Variants in WDSUB1 observed in about 807,000 individuals in gnomAD.
WDSUB1 encodes WD repeat, SAM and U-box domain-containing protein 1.
A neutral mutation model predicts 53.9 loss-of-function variants in WDSUB1; 49 were observed. That is an observed-to-expected ratio of 0.91 (90% CI 0.72 to 1.15). The LOEUF (loss-of-function observed/expected upper bound fraction) is 1.15. WDSUB1 is among the 50% of genes most tolerant of loss of function. WDSUB1 has a pLI of 0.00. For missense variants in WDSUB1, 514 were observed against 562.0 expected, an observed-to-expected ratio of 0.91 and a Z score of 0.86; for synonymous variants, 194 against 200.6, an observed-to-expected ratio of 0.97 and a Z score of 0.28.
intron 5 of WDSUB1, among the ~76,000 whole-genome samples, chr2:159,264,102 C>T (rs147743449): frequency 3.8e-4 from 58 of 152,262 alleles, no homozygotes; most frequent in African/African-American, 1.1e-3. Context: ...ATTATGCTTG[C>T]TAAAATATCT....
chr2:159,269,759 G>A (rs1032235125), intron 5 of WDSUB1, among the ~76,000 whole-genome samples: 6 of 152,072 alleles, frequency 3.9e-5, no homozygotes, highest in Middle Eastern at 3.4e-3. Flanking sequence ...GAGTAACAGA[G>A]AAAAATTGTA....
At position 159,259,818 on chromosome 2, in the gene WDSUB1, A is replaced by G; in HGVS notation, c.796T>C (p.Tyr266His). 6.6e-7 allele frequency: 1 copy of G among 1,526,484 alleles called. No individual in the cohort carries two copies. Among genetic ancestry groups the G allele is most frequent in the South Asian group, 1.2e-5 (1 of 84,274 alleles). The allele number at this position is 1,526,484 out of a possible 1,614,324, so 94.6% of individuals were successfully genotyped here. A position where few individuals can be genotyped will look rare whatever the true frequency, so the allele number is the denominator to read the frequency against. The change falls in exon 6 of 11, where the codon TAT (tyrosine) becomes CAT (histidine). Residue 266 changes from tyrosine (Y) to histidine (H), a missense_variant. Tyr to His is a moderately conservative substitution (Grantham distance 83). Transcript: ENST00000359774. ...GATTTTTAAATACTTACAGTATCAT[A>G]TACTATGACAGACTTATCCACTGAC... ...SGSVDKSVIV[Y>H]DTNTENILHT... is the part of the protein sequence containing the mutation.
Position 159,242,976 on chromosome 2 carries a change from T to C in WDSUB1, c.1273+5396A>G, listed in dbSNP as rs1296477910. 1.4e-5 allele frequency among the ~76,000 whole-genome samples: 2 copies of C among 147,960 alleles called. 1 individual carries two copies. Among genetic ancestry groups the C allele is most frequent in the African/African-American group, 5.3e-5 (2 of 38,074 alleles). On this transcript the variant is annotated intron_variant, in intron 10 of 10. Transcript: ENST00000359774. ...TGTATTCTGAATATTCAGAAAAATGTAGGTGGGAAAAGGAAAGTAGAAGAG... is the reference window on the plus strand; with the variant it reads ...TGTATTCTGAATATTCAGAAAAATGCAGGTGGGAAAAGGAAAGTAGAAGAG...
rs77021196 is a variant in WDSUB1, at chr2:159,265,262, T to A, written c.771-5419A>T. 1.2e-3 allele frequency among the ~76,000 whole-genome samples: 170 copies of A among 145,624 alleles called. 2 individuals carry two copies. In the East Asian group the frequency reaches 0.034, roughly 29 times the overall value. On this transcript the variant is annotated intron_variant, in intron 5 of 10. Transcript: ENST00000359774. ...AGCCACTCCAGCCTGGGTAATGGAG[T>A]GAGGCCTTATCTCTAAAGCAAGCAC...
At chr2:159,248,250 A>G (rs2060864448) in intron 10 of WDSUB1, 122 bp downstream of exon 10, 1 of 1,148,942 alleles carries the variant, frequency 8.7e-7, no homozygotes, top group Non-Finnish European at 1.2e-6. Context: ...CCAAGGTTTA[A>G]TTAGTTTAAG....
chr2:159,241,806 G>T (rs545911466), intron 10 of WDSUB1, among the ~76,000 whole-genome samples: 1 of 140,664 alleles, frequency 7.1e-6, no homozygotes, highest in Admixed American at 7.1e-5. Context: ...TCTGCCTTCC[G>T]GGTTCAAGCA....
At chr2:159,272,648 C>T (rs114545886) in intron 4 of WDSUB1, among the ~76,000 whole-genome samples, 145 of 152,188 alleles carry the variant, frequency 9.5e-4, no homozygotes, top group African/African-American at 2.4e-3. Flanking sequence ...AAACAAAATA[C>T]GCCAATTGCC....
At chr2:159,247,930 T>TATATATATAA (rs2060852298) in intron 10 of WDSUB1, among the ~76,000 whole-genome samples, 1 of 63,290 alleles carries the variant, frequency 1.6e-5, no homozygotes. Context: ...TATATATAAA[T>TATATATATAA]ATATATATAT....
intron 4 of WDSUB1, 65 bp from the exon 5 acceptor site, chr2:159,271,860 C>A: frequency 7.9e-7 from 1 of 1,258,584 alleles, no homozygotes. Flanking sequence ...TTTAAGTCAA[C>A]ACCATTTCAC....
At position 159,286,701 on chromosome 2, in the gene WDSUB1, C is replaced by T. The variant is rs1170888385; in HGVS notation, c.-143G>A. On this transcript the variant is annotated 5_prime_UTR_variant, in exon 1 of 11. Coordinates refer to ENST00000359774, the MANE Select transcript of WDSUB1 (RefSeq NM_001128212.3). ...CGGCGGAGACCCAGAGCAGAGGGAA[C>T]AGGCCCCGCCCCCGAACGCCCGCGG... The T allele has an allele frequency of 6.6e-6, 1 of 152,106 alleles. No individual in the cohort carries two copies. The highest frequency in any genetic ancestry group is 1.5e-5 in the Non-Finnish European group (1 of 68,120). 9.4% of individuals were successfully genotyped at this position (152,106 alleles called of 1,614,324 possible). A position where few individuals can be genotyped will look rare whatever the true frequency, so the allele number is the denominator to read the frequency against.
chr2:159,246,746 C>T (rs2060806679), intron 10 of WDSUB1, among the ~76,000 whole-genome samples: 4 of 152,142 alleles, frequency 2.6e-5, no homozygotes, highest in Admixed American at 2.6e-4. Flanking sequence ...CCTGAAAGTC[C>T]ACTGACAGGT....
At chr2:159,259,872 A>G in intron 5 of WDSUB1, 29 bp from the exon 6 acceptor site, 1 of 1,486,578 alleles carries the variant, frequency 6.7e-7, no homozygotes, top group Non-Finnish European at 9.1e-7. Context: ...ATAGGTGAAA[A>G]GTTCTATAAA....
intron 10 of WDSUB1, among the ~76,000 whole-genome samples, chr2:159,243,112 A>G (rs1431963359): frequency 1.4e-5 from 2 of 148,050 alleles, no homozygotes; most frequent in Non-Finnish European, 2.9e-5. Context: ...TTTTAAAAAA[A>G]TTCAACTGTA....
intron 10 of WDSUB1, among the ~76,000 whole-genome samples, chr2:159,238,739 A>G (rs772756235): frequency 7.9e-5 from 12 of 152,108 alleles, no homozygotes; most frequent in Non-Finnish European, 1.8e-4. Flanking sequence ...TAGGACCAGC[A>G]ACCTTCCTCA....
chr2:159,252,896 T>C (rs138109508), intron 9 of WDSUB1, among the ~76,000 whole-genome samples: 1 of 152,352 alleles, frequency 6.6e-6, no homozygotes, highest in Non-Finnish European at 1.5e-5. Context: ...CGTTCCCAAT[T>C]AGGCATCTAT....
At chr2:159,262,363 C>G (rs896179787) in intron 5 of WDSUB1, among the ~76,000 whole-genome samples, 2 of 151,978 alleles carry the variant, frequency 1.3e-5, no homozygotes, top group African/African-American at 4.8e-5. Context: ...TACAAAGCAC[C>G]CTGAGTGTCT....
chr2:159,256,520 C>T, intron 8 of WDSUB1, 145 bp from the exon 9 acceptor site: 1 of 798,328 alleles, frequency 1.3e-6, no homozygotes, highest in Non-Finnish European at 1.9e-6. Context: ...ATCCTAGCTT[C>T]TCAAGTGGCT....
rs754560559 is a variant in WDSUB1, at chr2:159,282,846, T to C, written c.224A>G (p.Asp75Gly). The C allele has an allele frequency of 1.2e-6, 2 of 1,614,138 alleles. No individual in the cohort carries two copies. The highest frequency in any genetic ancestry group is 2.2e-5 in the South Asian group (2 of 91,084). ...SGHILASCSTDGTTVLWNTEN... is the reference protein window; with the variant it reads ...SGHILASCSTGGTTVLWNTEN... ...AGTATTCCATAGGACAGTGGTACCA[T>C]CTGTTGAACACGATGCCAAAATATG... Residue 75 changes from aspartate to glycine, a missense_variant, in exon 2 of 11, where the codon GAT (aspartate) becomes GGT (glycine). Physicochemically the swap from Asp to Gly is moderately conservative, Grantham distance 94. Transcript: ENST00000359774.
At chr2:159,264,548 T>C (rs1212455220) in intron 5 of WDSUB1, among the ~76,000 whole-genome samples, 1 of 152,190 alleles carries the variant, frequency 6.6e-6, no homozygotes, top group African/African-American at 2.4e-5. Flanking sequence ...GGGGTAAGAT[T>C]CTTGGCCTCT....
Sources: gnomAD v4.1 joint callset for allele counts (sites outside exome capture counted in the v4.1 genomes callset) on GRCh38, gnomAD v4.1.1 for gene constraint, MANE v1.5 for transcripts, NCBI Gene and HGNC (gene_info 2026-07-23, HGNC 2026-07-21) for gene names.